The following SYNPO2 variants were observed in gnomAD, a reference collection of about 807,000 sequenced individuals.
SYNPO2 encodes synaptopodin-2.
Under a neutral mutation model 85.0 loss-of-function variants are expected in SYNPO2, and 56 were observed. That is an observed-to-expected ratio of 0.66 (90% confidence interval 0.53 to 0.82). The LOEUF (loss-of-function observed/expected upper bound fraction) is 0.82, where lower values mean the gene tolerates loss of function less well. SYNPO2 is among the 40% of genes least tolerant of loss of function. SYNPO2 has a pLI of 0.00. For missense variants in SYNPO2, 1,575 were observed against 1,534.2 expected, an observed-to-expected ratio of 1.03 and a Z score of -0.44; for synonymous variants, 602 against 591.1, an observed-to-expected ratio of 1.02 and a Z score of -0.27.
chr4:119,032,427 G>T, intron 4 of SYNPO2: 1 of 1,112,238 alleles, frequency 9.0e-7, no homozygotes, highest in Non-Finnish European at 1.1e-6. Flanking sequence ...ATGGTGAAAG[G>T]TTCAAATGTA....
intron 1 of SYNPO2, among the ~76,000 whole-genome samples, chr4:118,982,651 A>T (rs1357187926): frequency 6.6e-6 from 1 of 152,184 alleles, no homozygotes; most frequent in Non-Finnish European, 1.5e-5. Flanking sequence ...GGTAGTTTTC[A>T]CAGGATGCTA....
intron 1 of SYNPO2, among the ~76,000 whole-genome samples, chr4:119,012,383 T>TA (rs1261656745): frequency 2.4e-5 from 3 of 126,818 alleles, no homozygotes; most frequent in African/African-American, 5.7e-5. Context: ...TTCTTTTTTT[T>TA]TTTTTTTTTT....
intron 1 of SYNPO2, among the ~76,000 whole-genome samples, chr4:119,008,101 C>T (rs1315588322): frequency 3.3e-5 from 5 of 152,172 alleles, no homozygotes; most frequent in Admixed American, 3.3e-4. Context: ...CCATATTCAT[C>T]TTCATAGATT....
At chr4:118,980,047 A>T (rs528161113) in intron 1 of SYNPO2, among the ~76,000 whole-genome samples, 109 of 152,328 alleles carry the variant, frequency 7.2e-4, no homozygotes, top group Non-Finnish European at 1.4e-3. Flanking sequence ...ATAAAGTTGG[A>T]TACATTGCAT....
At chr4:119,019,899 A>G (rs1737653635) in intron 1 of SYNPO2, among the ~76,000 whole-genome samples, 1 of 152,182 alleles carries the variant, frequency 6.6e-6, no homozygotes, top group Non-Finnish European at 1.5e-5. Context: ...CTGATAGAGA[A>G]TTGGTATCAT....
At chr4:119,020,298 T>C (rs566836852) in intron 1 of SYNPO2, among the ~76,000 whole-genome samples, 4 of 152,278 alleles carry the variant, frequency 2.6e-5, no homozygotes, top group Admixed American at 6.5e-5. Flanking sequence ...ATCACAGCAG[T>C]TGATTGTGAA....
At chr4:118,927,762 T>G (rs113951618) in intron 1 of SYNPO2, among the ~76,000 whole-genome samples, 24,579 of 74,922 alleles carry the variant, frequency 0.33, 3,073 homozygotes, top group Middle Eastern at 0.39. Context: ...TAGATAGATA[T>G]ATAGATAGAT....
At chr4:118,960,026 G>A (rs1735022631) in intron 1 of SYNPO2, among the ~76,000 whole-genome samples, 1 of 152,196 alleles carries the variant, frequency 6.6e-6, no homozygotes, top group South Asian at 2.1e-4. Flanking sequence ...TAGAAGAGTA[G>A]GAGGCAATGT....
rs141850414 is a variant in SYNPO2 at position 119,053,621 on chromosome 4, T to C, written c.3253-3780T>C. On this transcript the variant is annotated intron_variant, in intron 4 of 4. Transcript: ENST00000307142. ...CTTTCAATACCATACCTCAATATTT[T>C]AGTTTTCTCCCTGCATATTCATCTC... Among the ~76,000 whole-genome samples, 78 of 152,356 alleles carry C rather than the reference T, an allele frequency of 5.1e-4. 1 individual carries two copies. The highest frequency in any genetic ancestry group is 1.7e-3 in the African/African-American group (71 of 41,594).
At chr4:118,945,138 C>T (rs577189980) in intron 1 of SYNPO2, among the ~76,000 whole-genome samples, 96 of 152,180 alleles carry the variant, frequency 6.3e-4, no homozygotes, top group Non-Finnish European at 1.0e-3. Context: ...CATTATTATT[C>T]GCACCTACCA....
At chr4:119,025,468 T>G (rs527603513) in intron 2 of SYNPO2, among the ~76,000 whole-genome samples, 1 of 152,354 alleles carries the variant, frequency 6.6e-6, no homozygotes, top group Non-Finnish European at 1.5e-5. Context: ...GTTTAACTGT[T>G]AGTTTGTTTT....
chr4:119,003,031 C>A lies in SYNPO2; in HGVS notation c.106-20399C>A, dbSNP rs1446768217. Among the ~76,000 whole-genome samples the A allele has an allele frequency of 2.0e-5, 3 of 152,130 alleles. No homozygotes were observed. The East Asian group carries it at 5.8e-4, about 29-fold the overall frequency. On this transcript the variant is annotated intron_variant, in intron 1 of 4. Coordinates refer to ENST00000307142, the MANE Select transcript of SYNPO2 (RefSeq NM_133477.3). ...AGCTGTTGAACCATTTGTATGCATC[C>A]TCTCTAATTTTCTTAGCTTTTTCCT...
intron 1 of SYNPO2, among the ~76,000 whole-genome samples, chr4:118,875,053 A>G (rs1456809224): frequency 6.6e-6 from 1 of 152,046 alleles, no homozygotes; most frequent in Admixed American, 6.6e-5. Context: ...TTCCCCCACC[A>G]CGTGTCCATA....
At chr4:118,928,740 A>C (rs888485935) in intron 1 of SYNPO2, among the ~76,000 whole-genome samples, 1 of 152,208 alleles carries the variant, frequency 6.6e-6, no homozygotes, top group Non-Finnish European at 1.5e-5. Context: ...GGTTAAACCT[A>C]GTTATCTTGG....
intron 1 of SYNPO2, among the ~76,000 whole-genome samples, chr4:119,021,749 C>G (rs1253564595): frequency 1.3e-5 from 2 of 152,184 alleles, no homozygotes; most frequent in Non-Finnish European, 2.9e-5. Flanking sequence ...ACTATTATCA[C>G]TCATAGGCCC....
At chr4:119,033,996 GAGGTTACAACCAC>G in intron 4 of SYNPO2, 1 of 985,398 alleles carries the variant, frequency 1.0e-6, no homozygotes, top group Non-Finnish European at 1.2e-6. Flanking sequence ...AATTTACCTA[GAGGTTACAACCAC>G]AGGATGTAGC....
At chr4:118,876,776 C>T (rs1731934786) in intron 1 of SYNPO2, among the ~76,000 whole-genome samples, 1 of 143,764 alleles carries the variant, frequency 7.0e-6, no homozygotes. Context: ...CCTTTCCTTC[C>T]CTTTTCTTTT....
At chr4:118,925,474 T>C (rs1398750105) in intron 1 of SYNPO2, among the ~76,000 whole-genome samples, 3 of 152,090 alleles carry the variant, frequency 2.0e-5, no homozygotes, top group Non-Finnish European at 4.4e-5. Flanking sequence ...GTCACCTATG[T>C]CTCAGGCTGT....
At chr4:118,861,069 C>T (rs1731601103) in intron 1 of SYNPO2, among the ~76,000 whole-genome samples, 1 of 152,130 alleles carries the variant, frequency 6.6e-6, no homozygotes, top group African/African-American at 2.4e-5. Flanking sequence ...GTTTTGGTTG[C>T]CTGTGCCTGC....
Sources: gnomAD v4.1 joint callset for allele counts (sites outside exome capture counted in the v4.1 genomes callset) on GRCh38, gnomAD v4.1.1 for gene constraint, MANE v1.5 for transcripts, NCBI Gene and HGNC (gene_info 2026-07-23, HGNC 2026-07-21) for gene names.